MYO1E: variants seen among roughly 807,000 people sequenced by gnomAD.
MYO1E encodes the protein myosin IE, also known as unconventional myosin-Ie.
Under a neutral mutation model 151.1 loss-of-function variants are expected in MYO1E, and 68 were observed. The observed-to-expected ratio is 0.45, with a 90% CI of 0.37 to 0.55. MYO1E has a LOEUF of 0.55. MYO1E is among the 20% of genes least tolerant of loss of function. The pLI is 0.00. For synonymous variants in MYO1E, 601 were observed against 501.7 expected, an observed-to-expected ratio of 1.20 and a Z score of -2.64; for missense variants, 1,363 against 1,389.3, an observed-to-expected ratio of 0.98 and a Z score of 0.30.
chr15:59,194,912 TG>T (rs2079756559), intron 17 of MYO1E, among the ~76,000 whole-genome samples: 1 of 152,256 alleles, frequency 6.6e-6, no homozygotes, highest in South Asian at 2.1e-4. Context: ...TCTTGTGCTC[TG>T]CATTTCCCTT....
At chr15:59,179,104 C>T (rs1265790255) in intron 18 of MYO1E, among the ~76,000 whole-genome samples, 1 of 152,142 alleles carries the variant, frequency 6.6e-6, no homozygotes, top group Non-Finnish European at 1.5e-5. Context: ...AGAATGGCCT[C>T]TTCTTCATGC....
intron 9 of MYO1E, among the ~76,000 whole-genome samples, chr15:59,220,996 T>G (rs1484090850): frequency 1.2e-4 from 17 of 142,196 alleles, no homozygotes; most frequent in Admixed American, 2.1e-4. Flanking sequence ...ATTATATATA[T>G]AATTATATAT....
intron 2 of MYO1E, 69 bp from the exon 3 acceptor site, chr15:59,261,578 G>T: frequency 9.7e-7 from 1 of 1,027,998 alleles, no homozygotes; most frequent in Non-Finnish European, 1.5e-6. Context: ...TAAGTAACCA[G>T]ATGTTATCAA....
chr15:59,284,048 C>G (rs1469799938), intron 1 of MYO1E, among the ~76,000 whole-genome samples: 1 of 152,268 alleles, frequency 6.6e-6, no homozygotes, highest in African/African-American at 2.4e-5. Context: ...TGGCTCTGCA[C>G]AGCCTTGCAT....
chr15:59,223,140 G>C lies in MYO1E; in HGVS notation c.829C>G (p.Gln277Glu), dbSNP rs1209912449. ...IFAEEQTLVL[Q>E]IVAGILHLGN... Reference sequence around the variant, plus strand: ...AGGTGGAGAATACCCGCCACTATCTGCAACACCAGCGTTTGCTCTTCTGCA... The same window carrying C: ...AGGTGGAGAATACCCGCCACTATCTCCAACACCAGCGTTTGCTCTTCTGCA... Residue 277 changes from glutamine to glutamate, a missense_variant, in exon 9 of 28, where the codon CAG becomes GAG. By Grantham distance (29) the Gln-to-Glu change is conservative (BLOSUM62 2). Transcript: ENST00000288235. 8 of 1,614,142 alleles carry C rather than the reference G, an allele frequency of 5.0e-6. No individual in the cohort carries two copies. Among genetic ancestry groups the C allele is most frequent in the Middle Eastern group, 1.6e-4 (1 of 6,062 alleles).
intron 18 of MYO1E, among the ~76,000 whole-genome samples, chr15:59,179,488 T>G (rs111508524): frequency 0.01 from 1,570 of 152,308 alleles, 31 homozygotes; most frequent in African/African-American, 0.036. Context: ...TGAACATTCC[T>G]GGCTAATGCG....
intron 18 of MYO1E, among the ~76,000 whole-genome samples, chr15:59,179,311 T>A (rs537308260): frequency 6.6e-6 from 1 of 152,310 alleles, no homozygotes; most frequent in South Asian, 2.1e-4. Context: ...CTATTTTTCC[T>A]TCAGAGCATG....
At chr15:59,316,613 T>G (rs1027092617) in intron 1 of MYO1E, among the ~76,000 whole-genome samples, 1 of 152,238 alleles carries the variant, frequency 6.6e-6, no homozygotes, top group Non-Finnish European at 1.5e-5. Flanking sequence ...ATTATTTATT[T>G]TTTATTTTTC....
At chr15:59,231,907 C>T (rs2080030831) in intron 5 of MYO1E, 116 bp from the exon 6 acceptor site, 1 of 912,256 alleles carries the variant, frequency 1.1e-6, no homozygotes, top group East Asian at 2.6e-5. Flanking sequence ...GGCCCCACAC[C>T]CGTGTGTCAC....
At position 59,291,711 on chromosome 15, in the gene MYO1E, A is replaced by AAG. The variant is rs1555417405; in HGVS notation, c.4-19264_4-19263dup. Reference sequence around the variant, plus strand: ...AAAAAAAAAAAAAAAAAAAAAAAAAAAGAGAGAGAGAGAGAGAAAACAAAG... The same window carrying AAG: ...AAAAAAAAAAAAAAAAAAAAAAAAAAAGAGAGAGAGAGAGAGAGAAAACAAAG... On this transcript the variant is annotated intron_variant, in intron 1 of 27. Coordinates refer to ENST00000288235, the MANE Select transcript of MYO1E (RefSeq NM_004998.4). 7.2e-3 allele frequency among the ~76,000 whole-genome samples: 485 copies of AAG among 66,978 alleles called. 17 individuals are homozygous for AAG. Among genetic ancestry groups the AAG allele is most frequent in the African/African-American group, 0.028 (431 of 15,192 alleles). The allele number at this position is 66,978 out of a possible 152,430, so 43.9% of individuals were successfully genotyped here. A position where few individuals can be genotyped will look rare whatever the true frequency, so the allele number is the denominator to read the frequency against.
intron 4 of MYO1E, among the ~76,000 whole-genome samples, chr15:59,247,308 C>T (rs1236446666): frequency 2.0e-5 from 3 of 152,118 alleles, no homozygotes; most frequent in African/African-American, 7.2e-5. Flanking sequence ...GACCTCTGTC[C>T]TATGGTATAT....
At chr15:59,303,869 A>T (rs948140776) in intron 1 of MYO1E, among the ~76,000 whole-genome samples, 1 of 152,188 alleles carries the variant, frequency 6.6e-6, no homozygotes, top group Non-Finnish European at 1.5e-5. Context: ...GCAGGAATAT[A>T]ATGGCCCGTT....
Position 59,231,789 on chromosome 15 carries a change from G to A in MYO1E, c.423C>T (p.His141=), listed in dbSNP as rs780146456. The change falls in exon 6 of 28, where the codon CAC becomes CAT. Residue 141 remains histidine (H), a splice_region_variant and synonymous_variant. Transcript: ENST00000288235. ...TGGACTGCAGGATAATGTCCTTCAC[G>A]TGCTGTCCCAGCAAATAGACCGGAG... ...RVSGGGTKVQ[H]VKDIILQSNP... 56 of 1,613,972 alleles carry A rather than the reference G, an allele frequency of 3.5e-5. 1 individual carries two copies. The Admixed American group carries it at 3.8e-4, about 11-fold the overall frequency.
chr15:59,174,494 C>A (rs2079613180), intron 19 of MYO1E, among the ~76,000 whole-genome samples: 1 of 152,078 alleles, frequency 6.6e-6, no homozygotes, highest in Admixed American at 6.6e-5. Flanking sequence ...TCAGTTAGAC[C>A]TTGTCCTGCC....
intron 1 of MYO1E, among the ~76,000 whole-genome samples, chr15:59,285,527 A>C (rs1398569462): frequency 1.3e-5 from 2 of 151,758 alleles, no homozygotes; most frequent in Non-Finnish European, 1.5e-5. Context: ...CGCCCAGCTA[A>C]TTCTTTTTTG....
chr15:59,138,989 C>T (rs1362455551), intron 26 of MYO1E, among the ~76,000 whole-genome samples: 1 of 152,142 alleles, frequency 6.6e-6, no homozygotes, highest in Non-Finnish European at 1.5e-5. Context: ...CTGCCTGATA[C>T]TACACCACTG....
intron 1 of MYO1E, among the ~76,000 whole-genome samples, chr15:59,356,808 A>T (rs1379398569): frequency 6.6e-6 from 1 of 151,698 alleles, no homozygotes; most frequent in Admixed American, 6.6e-5. Context: ...AGCTCAAGGG[A>T]TCTGCCTCCC....
rs1429949130 is a variant in MYO1E at position 59,195,552 on chromosome 15, G to T, written c.1714C>A (p.Leu572Ile). Residue 572 changes from leucine to isoleucine, a missense_variant, in exon 17 of 28, where the codon CTT (leucine) becomes ATT (isoleucine). Physicochemically the swap from Leu to Ile is conservative, Grantham distance 5. Transcript: ENST00000288235. Reference sequence around the variant, plus strand: ...GTACATTTCATCAGGGTGCTCACAAGGTCATTGGCTTGTTTCTAGAAAGGA... The same window carrying T: ...GTACATTTCATCAGGGTGCTCACAATGTCATTGGCTTGTTTCTAGAAAGGA... ...GSKIKKQAND[L>I]VSTLMKCTPH... The T allele has an allele frequency of 6.2e-7, 1 of 1,613,834 alleles. No individual in the cohort carries two copies. Among genetic ancestry groups the T allele is most frequent in the Non-Finnish European group, 8.5e-7 (1 of 1,179,720 alleles).
At chr15:59,203,595 C>T (rs1304197980) in intron 15 of MYO1E, among the ~76,000 whole-genome samples, 3 of 152,084 alleles carry the variant, frequency 2.0e-5, no homozygotes, top group Non-Finnish European at 4.4e-5. Context: ...ACAGTGGTCT[C>T]GATCTCTTGA....
Sources: gnomAD v4.1 joint callset for allele counts (sites outside exome capture counted in the v4.1 genomes callset) on GRCh38, gnomAD v4.1.1 for gene constraint, MANE v1.5 for transcripts, NCBI Gene and HGNC (gene_info 2026-07-23, HGNC 2026-07-21) for gene names.